RIPK4: variants seen among roughly 807,000 people sequenced by gnomAD.
RIPK4 encodes the protein receptor-interacting serine/threonine-protein kinase 4.
Under a neutral mutation model 42.9 loss-of-function variants are expected in RIPK4, and 17 were observed. The ratio of observed to expected loss-of-function variants is 0.40; its 90% CI spans 0.27 to 0.59. RIPK4 has a LOEUF of 0.59. Ranked by LOEUF, RIPK4 falls within the 20% of genes least tolerant of loss-of-function variation. The probability of loss-of-function intolerance (pLI) is 0.47; values close to 1 mark genes in which losing one functional copy is unlikely to be tolerated. For missense variants in RIPK4, 897 were observed against 1,104.4 expected, an observed-to-expected ratio of 0.81 and a Z score of 2.66; for synonymous variants, 498 against 499.1, an observed-to-expected ratio of 1.00 and a Z score of 0.03.
Position 41,751,076 on chromosome 21 carries a change from G to C in RIPK4, c.623+21C>G, listed in dbSNP as rs778204623. On this transcript the variant is annotated intron_variant, in intron 3 of 7. Coordinates refer to ENST00000332512, the MANE Select transcript of RIPK4 (RefSeq NM_020639.3). This position sits in a 1 kb window ranked among gnomAD's most constrained non-coding sequence, Gnocchi z 4.5. The stretch of plus-strand genomic sequence containing the variant: ...AGAGCCCCTGGCACCCACAGGGGAT[G>C]GGGGGCGGCATGTCACACACCTGTA... 3.7e-6 allele frequency: 6 copies of C among 1,605,480 alleles called. No individual in the cohort carries two copies. The Admixed American group carries it at 1.0e-4, about 27-fold the overall frequency.
At chr21:41,744,772 G>A (rs1393600006) in intron 6 of RIPK4, among the ~76,000 whole-genome samples, 1 of 152,182 alleles carries the variant, frequency 6.6e-6, no homozygotes, top group Non-Finnish European at 1.5e-5. Flanking sequence ...AGCCACGTGG[G>A]GCTGGCCTGG....
intron 6 of RIPK4, 62 bp downstream of exon 6, chr21:41,745,697 G>C: frequency 2.3e-6 from 3 of 1,301,300 alleles, no homozygotes; most frequent in East Asian, 4.6e-5. Flanking sequence ...AAGAGGAGTG[G>C]TTTGGAAACT....
intron 1 of RIPK4, among the ~76,000 whole-genome samples, chr21:41,765,219 A>G (rs1223789319): frequency 6.6e-6 from 1 of 152,240 alleles, no homozygotes; most frequent in African/African-American, 2.4e-5. Context: ...TCCCCAAGAG[A>G]TAAAACGAAT....
Position 41,742,857 on chromosome 21 carries a change from G to A in RIPK4, c.1196-860C>T, listed in dbSNP as rs1273837903. Among the ~76,000 whole-genome samples the A allele has an allele frequency of 6.6e-6, 1 of 152,112 alleles. No individual in the cohort carries two copies. The highest frequency in any genetic ancestry group is 1.5e-5 in the Non-Finnish European group (1 of 68,020). On this transcript the variant is annotated intron_variant, in intron 7 of 7. Coordinates refer to ENST00000332512, the MANE Select transcript of RIPK4 (RefSeq NM_020639.3). The surrounding 1 kb of genome is among the most constrained non-coding windows in gnomAD (Gnocchi z 5.1). ...AATGTTCTAGAACGTACTTATCCAT[G>A]GGAGATGGTGGTATTTCTTTCTGCT...
rs769215530 is a variant in RIPK4, at chr21:41,767,028, C to A, written c.14G>T (p.Gly5Val). MEGDGGTPWALALLR... is the reference protein window; with the variant it reads MEGDVGTPWALALLR... ...CAGCGCCAGGGCCCATGGGGTCCCG[C>A]CGTCGCCCTCCATCGCGCACGTCTA... The change falls in exon 1 of 8, where the codon GGC (glycine) becomes GTC (valine). Residue 5 changes from glycine to valine, a missense_variant. Physicochemically the swap from Gly to Val is moderately radical, Grantham distance 109. Coordinates refer to ENST00000332512, the MANE Select transcript of RIPK4 (RefSeq NM_020639.3). The surrounding 1 kb of genome is among the most constrained non-coding windows in gnomAD (Gnocchi z 4.0). 11 of 1,577,494 alleles carry A rather than the reference C, an allele frequency of 7.0e-6. No individual in the cohort carries two copies. Among genetic ancestry groups the A allele is most frequent in the Non-Finnish European group, 8.6e-6 (10 of 1,165,342 alleles).
chr21:41,756,797 C>T lies in RIPK4; in HGVS notation c.202G>A (p.Glu68Lys). Reference sequence around the variant, plus strand: ...GCCATCTCCATCTTCTTGGCTTCTTCCAAAAGCTCCATGCGCTCCCTGAAA... The same window carrying T: ...GCCATCTCCATCTTCTTGGCTTCTTTCAAAAGCTCCATGCGCTCCCTGAAA... Reference protein sequence around the residue: ...VDDRERMELLEEAKKMEMAKF... With the variant: ...VDDRERMELLKEAKKMEMAKF... The change falls in exon 2 of 8, where the codon GAA becomes AAA. Residue 68 changes from glutamate to lysine, a missense_variant. Physicochemically the swap from Glu to Lys is moderately conservative, Grantham distance 56. Coordinates refer to ENST00000332512, the MANE Select transcript of RIPK4 (RefSeq NM_020639.3). 6.2e-7 allele frequency: 1 copy of T among 1,613,450 alleles called. No homozygotes were observed. The highest frequency in any genetic ancestry group is 8.5e-7 in the Non-Finnish European group (1 of 1,179,440).
intron 1 of RIPK4, among the ~76,000 whole-genome samples, chr21:41,762,189 A>C (rs2061222617): frequency 6.6e-6 from 1 of 152,218 alleles, no homozygotes; most frequent in Admixed American, 6.5e-5. Context: ...TGTCCTGGAA[A>C]AAAAAAGTCA....
At chr21:41,758,715 G>A (rs1396707608) in intron 1 of RIPK4, among the ~76,000 whole-genome samples, 1 of 152,238 alleles carries the variant, frequency 6.6e-6, no homozygotes, top group Non-Finnish European at 1.5e-5. Context: ...ACTGGCTGTG[G>A]CTGCTTTTGC....
chr21:41,745,833 C>T lies in RIPK4; in HGVS notation c.862G>A (p.Glu288Lys), dbSNP rs895527097. 5 of 1,614,126 alleles carry T rather than the reference C, an allele frequency of 3.1e-6. No individual in the cohort carries two copies. The East Asian group carries it at 1.1e-4, about 36-fold the overall frequency. The change falls in exon 6 of 8, where the codon GAA becomes AAA. Residue 288 changes from glutamate (E) to lysine (K), a missense_variant. Coordinates refer to ENST00000332512, the MANE Select transcript of RIPK4 (RefSeq NM_020639.3). The stretch of plus-strand genomic sequence containing the variant: ...TCTTTCACTTCGTCATCAGGCTTTT[C>T]ACACAGGTCCTCGGTTTCAGAAGTA... ...EITSETEDLC[E>K]KPDDEVKETA...
rs1601672484 is a variant in RIPK4, at chr21:41,740,587, T to C, written c.*251A>G. The C allele has an allele frequency of 1.3e-5, 7 of 520,120 alleles. No individual in the cohort carries two copies. The East Asian group carries it at 1.9e-4, about 14-fold the overall frequency. 32.2% of individuals were successfully genotyped at this position (520,120 alleles called of 1,614,324 possible). ...CATTAGGAGCACAACGAAATGATTC[T>C]GACCCACGGTCCCTTCAGACAGCAG... On this transcript the variant is annotated 3_prime_UTR_variant, in exon 8 of 8. Coordinates refer to ENST00000332512, the MANE Select transcript of RIPK4 (RefSeq NM_020639.3).
At position 41,756,622 on chromosome 21, in the gene RIPK4, G is replaced by A. The variant is rs773242499; in HGVS notation, c.377C>T (p.Ala126Val). Reference protein sequence around the residue: ...DLRFRIIHETAVGMNFLHCMA... With the variant: ...DLRFRIIHETVVGMNFLHCMA... ...GCAGTGCAGGAAGTTCATGCCCACC[G>A]CCGTCTCGTGGATGATTCGGAACCG... Residue 126 changes from alanine to valine, a missense_variant, in exon 2 of 8, where the codon GCG (alanine) becomes GTG (valine). By Grantham distance (64) the Ala-to-Val change is moderately conservative. Coordinates refer to ENST00000332512, the MANE Select transcript of RIPK4 (RefSeq NM_020639.3). The A allele has an allele frequency of 1.3e-5, 21 of 1,613,856 alleles. No homozygotes were observed. Among genetic ancestry groups the A allele is most frequent in the South Asian group, 2.2e-5 (2 of 91,066 alleles).
chr21:41,751,104 C>G lies in RIPK4; in HGVS notation c.616G>C (p.Val206Leu). The G allele has an allele frequency of 6.2e-7, 1 of 1,613,964 alleles. No homozygotes were observed. Among genetic ancestry groups the G allele is most frequent in the African/African-American group, 1.3e-5 (1 of 75,054 alleles). ...GGGCGGCATGTCACACACCTGTATA[C>G]ATCGTGCTTGGTGTCGAAGAGCCGG... The part of the protein sequence containing the change: ...KSRLFDTKHD[V>L]YSFAIVIWGV... Residue 206 changes from valine to leucine, a missense_variant, in exon 3 of 8, where the codon GTA becomes CTA. Coordinates refer to ENST00000332512, the MANE Select transcript of RIPK4 (RefSeq NM_020639.3). This position sits in a 1 kb window ranked among gnomAD's most constrained non-coding sequence, Gnocchi z 4.5.
chr21:41,753,698 GCC>G (rs1467500073), intron 2 of RIPK4, among the ~76,000 whole-genome samples: 2 of 152,166 alleles, frequency 1.3e-5, no homozygotes, highest in Non-Finnish European at 2.9e-5. Context: ...GCTCACAGCT[GCC>G]CCCAAGCACA....
chr21:41,753,263 G>C (rs1225952498), intron 2 of RIPK4, among the ~76,000 whole-genome samples: 1 of 145,958 alleles, frequency 6.9e-6, no homozygotes, highest in Non-Finnish European at 1.5e-5. Context: ...TGACATCTGA[G>C]ATCATTAAGA....
Position 41,751,222 on chromosome 21 carries a change from C to T in RIPK4, c.498G>A (p.Lys166=), listed in dbSNP as rs376980976. 2.2e-5 allele frequency: 36 copies of T among 1,614,118 alleles called. No homozygotes were observed. The African/African-American group carries it at 3.3e-4, about 15-fold the overall frequency. ...CATGCGAGTGGGACAGCCCGTTGCA[C>T]TTGGCCAGACCAAAATCAGAAATCT... is the stretch of plus-strand genomic sequence containing the variant. The part of the protein sequence containing the change: ...HVKISDFGLA[K]CNGLSHSHDL... Residue 166 remains lysine, a synonymous_variant, in exon 3 of 8, where the codon AAG becomes AAA. Transcript: ENST00000332512. This position sits in a 1 kb window ranked among gnomAD's most constrained non-coding sequence, Gnocchi z 4.5.
chr21:41,761,275 G>T (rs772872728), intron 1 of RIPK4, among the ~76,000 whole-genome samples: 1 of 152,238 alleles, frequency 6.6e-6, no homozygotes, highest in Non-Finnish European at 1.5e-5. Flanking sequence ...CCTCCTCTGG[G>T]AACACCGGTT....
Position 41,755,947 on chromosome 21 carries a change from G to C in RIPK4, c.474+578C>G, listed in dbSNP as rs767566012. Among the ~76,000 whole-genome samples the C allele has an allele frequency of 2.6e-5, 4 of 152,296 alleles. No individual in the cohort carries two copies. The highest frequency in any genetic ancestry group is 1.3e-4 in the Admixed American group (2 of 15,304). The stretch of plus-strand genomic sequence containing the variant: ...TTCTGTGTTTCAAAAACCTATCAGC[G>C]AAGCAAAAGCAAGCTCCATCTCCCA... On this transcript the variant is annotated intron_variant, in intron 2 of 7. Coordinates refer to ENST00000332512, the MANE Select transcript of RIPK4 (RefSeq NM_020639.3). The surrounding 1 kb of genome is among the most constrained non-coding windows in gnomAD (Gnocchi z 4.2).
chr21:41,750,279 G>C (rs2061184818), intron 3 of RIPK4, among the ~76,000 whole-genome samples: 1 of 152,348 alleles, frequency 6.6e-6, no homozygotes, highest in Non-Finnish European at 1.5e-5. Flanking sequence ...CTTAGTGCCT[G>C]CTCACACGCT....
At chr21:41,748,973 T>G (rs2061180024) in intron 4 of RIPK4, among the ~76,000 whole-genome samples, 181 bp downstream of exon 4, 2 of 152,220 alleles carry the variant, frequency 1.3e-5, no homozygotes, top group Non-Finnish European at 2.9e-5. Context: ...CCTAAAAACA[T>G]TCCATTGAAC....
Sources: allele counts gnomAD v4.1 joint callset (sites outside exome capture counted in the v4.1 genomes callset), GRCh38; gene constraint gnomAD v4.1.1; non-coding constraint Gnocchi (gnomAD v3.1); transcripts MANE v1.5; gene names NCBI Gene and HGNC (gene_info 2026-07-23, HGNC 2026-07-21).